Variants in GPR158 observed in about 807,000 individuals in gnomAD.
GPR158 encodes metabotropic glycine receptor.
GPR158 carries 30 observed loss-of-function variants against 78.2 expected under a neutral mutation model. The observed-to-expected ratio is 0.38, with a 90% confidence interval of 0.29 to 0.52. GPR158 has a LOEUF of 0.52. Ranked by LOEUF, GPR158 falls within the 20% of genes least tolerant of loss-of-function variation. GPR158 has a pLI of 0.83. For missense variants in GPR158, 1,463 were observed against 1,523.5 expected (o/e 0.96, Z 0.66); for synonymous variants, 581 against 591.1 (o/e 0.98, Z 0.25).
intron 2 of GPR158, among the ~76,000 whole-genome samples, chr10:25,374,708 A>G (rs1014442205): frequency 1.3e-5 from 2 of 151,734 alleles, no homozygotes; most frequent in Non-Finnish European, 3.0e-5. Flanking sequence ...GATCTGTCCA[A>G]GTTGTTGTGT....
chr10:25,382,146 G>A (rs1012961814), intron 2 of GPR158, among the ~76,000 whole-genome samples: 1 of 152,220 alleles, frequency 6.6e-6, no homozygotes, highest in Non-Finnish European at 1.5e-5. Flanking sequence ...TTCATTATCT[G>A]AAAGTGTCGA....
intron 2 of GPR158, among the ~76,000 whole-genome samples, chr10:25,287,825 A>G (rs555396946): frequency 3.3e-5 from 5 of 152,128 alleles, no homozygotes; most frequent in Non-Finnish European, 4.4e-5. Context: ...TTTTTATTGT[A>G]TTGAGGTTGG....
intron 2 of GPR158, among the ~76,000 whole-genome samples, chr10:25,344,477 C>A (rs763202885): frequency 5.3e-5 from 8 of 151,612 alleles, no homozygotes; most frequent in Non-Finnish European, 8.8e-5. Flanking sequence ...CCATGATACA[C>A]AATAGATCTC....
At chr10:25,339,349 T>A (rs530691887) in intron 2 of GPR158, among the ~76,000 whole-genome samples, 1 of 152,226 alleles carries the variant, frequency 6.6e-6, no homozygotes, top group Admixed American at 6.5e-5. Flanking sequence ...ATTTTCTACC[T>A]GCTTGTTGTT....
At chr10:25,209,997 G>A (rs1853106510) in intron 1 of GPR158, among the ~76,000 whole-genome samples, 1 of 152,142 alleles carries the variant, frequency 6.6e-6, no homozygotes, top group South Asian at 2.1e-4. Context: ...AGTATGAGAT[G>A]CACACAGATA....
rs541229900 is a variant in GPR158, at chr10:25,576,416, C to T, written c.1753+3529C>T. ...CATAGACTGTTTTCATTGTACTTTACTCCTCCTAAATTCTGCTCTCCTCCA... is the reference window on the plus strand; with the variant it reads ...CATAGACTGTTTTCATTGTACTTTATTCCTCCTAAATTCTGCTCTCCTCCA... On this transcript the variant is annotated intron_variant, in intron 7 of 10. Coordinates refer to ENST00000376351, the MANE Select transcript of GPR158 (RefSeq NM_020752.3). Among the ~76,000 whole-genome samples, 19 of 152,264 alleles carry T rather than the reference C, an allele frequency of 1.2e-4. No individual in the cohort carries two copies. The South Asian group carries it at 3.9e-3, about 32-fold the overall frequency.
At chr10:25,360,204 G>A (rs34090911) in intron 2 of GPR158, among the ~76,000 whole-genome samples, 15,177 of 152,148 alleles carry the variant, frequency 0.1, 1,875 homozygotes, top group African/African-American at 0.3. Context: ...TCTGTAGGTT[G>A]CCTGTTTACT....
intron 2 of GPR158, among the ~76,000 whole-genome samples, chr10:25,346,369 A>C (rs74123863): frequency 0.092 from 13,911 of 151,970 alleles, 1,135 homozygotes; most frequent in African/African-American, 0.21. Flanking sequence ...ACCCTATAAC[A>C]TACTTAGGAA....
At chr10:25,255,596 G>T (rs759814312) in intron 2 of GPR158, among the ~76,000 whole-genome samples, 1 of 152,080 alleles carries the variant, frequency 6.6e-6, no homozygotes, top group Non-Finnish European at 1.5e-5. Flanking sequence ...TGTTTTATTT[G>T]TTTGTCTGTT....
intron 8 of GPR158, among the ~76,000 whole-genome samples, chr10:25,590,111 A>T (rs1040893380): frequency 6.6e-6 from 1 of 152,102 alleles, no homozygotes; most frequent in African/African-American, 2.4e-5. Context: ...GTCTGGGGGA[A>T]TTTTGTAGGA....
At chr10:25,355,594 G>A (rs1855539808) in intron 2 of GPR158, among the ~76,000 whole-genome samples, 1 of 152,016 alleles carries the variant, frequency 6.6e-6, no homozygotes, top group East Asian at 1.9e-4. Context: ...CTGTGACTTT[G>A]CACTGGAGGA....
intron 2 of GPR158, among the ~76,000 whole-genome samples, chr10:25,359,077 CA>C (rs1855592440): frequency 6.6e-6 from 1 of 151,806 alleles, no homozygotes; most frequent in Non-Finnish European, 1.5e-5. Flanking sequence ...CTCTTGTTAT[CA>C]TTGATAAATT....
At chr10:25,281,856 T>C (rs1854279675) in intron 2 of GPR158, among the ~76,000 whole-genome samples, 1 of 152,160 alleles carries the variant, frequency 6.6e-6, no homozygotes, top group Non-Finnish European at 1.5e-5. Flanking sequence ...TCCAATGACA[T>C]TTTTTCACTG....
In GPR158 at chr10:25,529,628, A is replaced by C. The variant is rs966047514; in HGVS notation, c.1405-21348A>C. On this transcript the variant is annotated intron_variant, in intron 5 of 10. Coordinates refer to ENST00000376351, the MANE Select transcript of GPR158 (RefSeq NM_020752.3). ...ATAAAAGCGCAATATAAAGGTTACT[A>C]ATAAAAAACAATGCCAAGAAATTGT... Among the ~76,000 whole-genome samples the C allele has an allele frequency of 2.6e-5, 4 of 152,212 alleles. No individual in the cohort carries two copies. In the South Asian group the frequency reaches 8.3e-4, roughly 31 times the overall value.
intron 4 of GPR158, among the ~76,000 whole-genome samples, chr10:25,424,878 G>T (rs1328394929): frequency 6.6e-6 from 1 of 152,096 alleles, no homozygotes; most frequent in African/African-American, 2.4e-5. Flanking sequence ...CTCTTTTTTG[G>T]TTCCACATGA....
intron 6 of GPR158, among the ~76,000 whole-genome samples, chr10:25,566,618 CA>C (rs1302856299): frequency 6.6e-6 from 1 of 152,138 alleles, no homozygotes; most frequent in Non-Finnish European, 1.5e-5. Context: ...CAGAAACTGA[CA>C]AAAATTAGTC....
chr10:25,324,694 CA>C (rs1284367890), intron 2 of GPR158, among the ~76,000 whole-genome samples: 3 of 152,086 alleles, frequency 2.0e-5, no homozygotes, highest in Non-Finnish European at 4.4e-5. Flanking sequence ...GTAAAACATG[CA>C]GTATCTGTGA....
At chr10:25,303,501 G>T (rs1338452349) in intron 2 of GPR158, among the ~76,000 whole-genome samples, 2 of 152,144 alleles carry the variant, frequency 1.3e-5, no homozygotes, top group African/African-American at 4.8e-5. Flanking sequence ...AAGCTGGGAA[G>T]GAAAATAAAT....
intron 2 of GPR158, among the ~76,000 whole-genome samples, chr10:25,314,372 T>C (rs1203767954): frequency 6.6e-6 from 1 of 152,184 alleles, no homozygotes; most frequent in Non-Finnish European, 1.5e-5. Context: ...ATGCTGGGAT[T>C]ACAGGCATGA....
Sources: allele counts gnomAD v4.1 joint callset (sites outside exome capture counted in the v4.1 genomes callset), GRCh38; gene constraint gnomAD v4.1.1; transcripts MANE v1.5; gene names NCBI Gene and HGNC (gene_info 2026-07-23, HGNC 2026-07-21).